The following DAB1 variants were observed in gnomAD, a reference collection of about 807,000 sequenced individuals.
DAB1 encodes DAB adaptor protein 1, also known as disabled homolog 1.
Under a neutral mutation model 64.6 loss-of-function variants are expected in DAB1, and 15 were observed. The ratio of observed to expected loss-of-function variants is 0.23; its 90% CI spans 0.16 to 0.36. The LOEUF is 0.36. Among genes scored for constraint, DAB1 ranks in the 10% least tolerant of loss-of-function variants. The probability of loss-of-function intolerance (pLI) is 1.00; values close to 1 mark genes in which losing one functional copy is unlikely to be tolerated. For synonymous variants in DAB1, 235 were observed against 251.9 expected, an observed-to-expected ratio of 0.93 and a Z score of 0.64; for missense variants, 596 against 706.7, an observed-to-expected ratio of 0.84 and a Z score of 1.78.
intron 1 of DAB1, among the ~76,000 whole-genome samples, chr1:57,863,684 T>C (rs1475412231): frequency 6.6e-6 from 1 of 152,160 alleles, no homozygotes; most frequent in Non-Finnish European, 1.5e-5. Flanking sequence ...AGAGGTGTTA[T>C]GGAAATGTAT....
chr1:57,417,648 T>C (rs574726), intron 1 of DAB1, among the ~76,000 whole-genome samples: 69,208 of 152,062 alleles, frequency 0.46, 17,582 homozygotes, highest in African/African-American at 0.68. Flanking sequence ...TAATTCAATA[T>C]CTTCCAAACA....
rs757862091 is a variant in DAB1, at chr1:58,046,903, C to T, written n.387+103608G>A. On this transcript the variant is annotated intron_variant and non_coding_transcript_variant, in intron 5 of 20. Transcript: ENST00000485760. ...GGGCCACTCACTGAGTGGAGAAGAA[C>T]TGATTTTGTTTGAAACTGAAGTTCA... 5.9e-5 allele frequency among the ~76,000 whole-genome samples: 9 copies of T among 152,314 alleles called. 1 individual carries two copies. In the South Asian group the frequency reaches 8.3e-4, roughly 14 times the overall value.
chr1:57,853,358 C>T (rs986839155), intron 1 of DAB1, among the ~76,000 whole-genome samples: 50 of 151,904 alleles, frequency 3.3e-4, no homozygotes, highest in Admixed American at 7.9e-4. Flanking sequence ...CTGAAGAGGT[C>T]CAAGAGGCTC....
intron 7 of DAB1, among the ~76,000 whole-genome samples, chr1:57,528,054 AG>A (rs1457842462): frequency 6.6e-6 from 1 of 152,048 alleles, no homozygotes; most frequent in Admixed American, 6.5e-5. Flanking sequence ...ATTGACTTAG[AG>A]ATGACAAAAA....
chr1:58,343,841 C>T (rs1275856288), intron 3 of DAB1, among the ~76,000 whole-genome samples: 1 of 152,184 alleles, frequency 6.6e-6, no homozygotes, highest in African/African-American at 2.4e-5. Context: ...GCTGTAAATA[C>T]ATGGGTTCTG....
chr1:57,691,421 A>G (rs1343932196), intron 6 of DAB1, among the ~76,000 whole-genome samples: 1 of 152,120 alleles, frequency 6.6e-6, no homozygotes, highest in Non-Finnish European at 1.5e-5. Context: ...GGTAGGGCCA[A>G]ATAAGGGAAT....
chr1:57,612,063 C>G (rs2101603183), intron 7 of DAB1, among the ~76,000 whole-genome samples: 2 of 152,212 alleles, frequency 1.3e-5, no homozygotes, highest in African/African-American at 4.8e-5. Context: ...ACAGACATCC[C>G]CAGGACTCAT....
chr1:57,096,290 A>G (rs972794093), intron 4 of DAB1, among the ~76,000 whole-genome samples: 2 of 152,164 alleles, frequency 1.3e-5, no homozygotes, highest in African/African-American at 4.8e-5. Flanking sequence ...CTTTGCTTAA[A>G]AGCTTACTGC....
At chr1:58,372,122 T>G (rs981206015) in intron 3 of DAB1, among the ~76,000 whole-genome samples, 2 of 152,100 alleles carry the variant, frequency 1.3e-5, no homozygotes, top group Admixed American at 1.3e-4. Context: ...CGCCAGGCAC[T>G]TGGAAAAACC....
rs200688727 is a variant in DAB1, at chr1:57,757,220, T to TTTTTTTG, written n.552-107556_552-107555insCAAAAAA. ...AGAATTTTTTTTTTTTTTTTTTTTT[T>TTTTTTTG]AGCAGCAATGATGGAGGCTAACAGC... is the stretch of plus-strand genomic sequence containing the variant. On this transcript the variant is annotated intron_variant and non_coding_transcript_variant, in intron 6 of 20. Transcript: ENST00000485760. 2.6e-4 allele frequency among the ~76,000 whole-genome samples: 31 copies of TTTTTTTG among 120,182 alleles called. 2 individuals carry two copies. The highest frequency in any genetic ancestry group is 3.5e-4 in the Non-Finnish European group (19 of 54,844). The allele number at this position is 120,182 out of a possible 152,430, so 78.8% of individuals were successfully genotyped here.
At chr1:57,265,119 C>G (rs974217715) in intron 2 of DAB1, among the ~76,000 whole-genome samples, 1 of 152,178 alleles carries the variant, frequency 6.6e-6, no homozygotes, top group Non-Finnish European at 1.5e-5. Flanking sequence ...GGATGCCCAG[C>G]TCTCCTGGTA....
Position 57,802,233 on chromosome 1 carries a change from G to A in DAB1, n.551+81766C>T, listed in dbSNP as rs1035288355. On this transcript the variant is annotated intron_variant and non_coding_transcript_variant, in intron 6 of 20. Coordinates refer to the DAB1 transcript ENST00000485760. Reference sequence around the variant, plus strand: ...AACAATGAGGACTGGTGGTAGGTGAGGCTGTTACTTACTTTGCTGTTGTCC... The same window carrying A: ...AACAATGAGGACTGGTGGTAGGTGAAGCTGTTACTTACTTTGCTGTTGTCC... Among the ~76,000 whole-genome samples, 6 of 152,214 alleles carry A rather than the reference G, an allele frequency of 3.9e-5. 1 individual carries two copies. The highest frequency in any genetic ancestry group is 1.4e-4 in the African/African-American group (6 of 41,444).
intron 1 of DAB1, among the ~76,000 whole-genome samples, chr1:57,877,035 A>ATG (rs1175247637): frequency 3.9e-5 from 6 of 152,084 alleles, no homozygotes; most frequent in Non-Finnish European, 8.8e-5. Context: ...GTGTGTATAT[A>ATG]TGTGTGTGTG....
At chr1:58,082,133 G>C (rs1650034213) in intron 5 of DAB1, among the ~76,000 whole-genome samples, 1 of 152,152 alleles carries the variant, frequency 6.6e-6, no homozygotes, top group African/African-American at 2.4e-5. Flanking sequence ...TGCAACCAGA[G>C]TCCAGGCCTC....
rs111932734 is a variant in DAB1 at position 57,516,324 on chromosome 1, G to T, written n.625+133268C>A. Among the ~76,000 whole-genome samples the T allele has an allele frequency of 4.2e-3, 639 of 152,150 alleles. 3 individuals are homozygous for T. Among genetic ancestry groups the T allele is most frequent in the African/African-American group, 0.014 (597 of 41,426 alleles). On this transcript the variant is annotated intron_variant and non_coding_transcript_variant, in intron 7 of 20. Transcript: ENST00000485760. Reference sequence around the variant, plus strand: ...ACATGTAAGAGTCTCGAAAGGAGATGAGACACAGGAAATGATAGCAAAGAA... The same window carrying T: ...ACATGTAAGAGTCTCGAAAGGAGATTAGACACAGGAAATGATAGCAAAGAA...
At chr1:57,496,016 A>G (rs1398095135) in intron 7 of DAB1, among the ~76,000 whole-genome samples, 1 of 152,228 alleles carries the variant, frequency 6.6e-6, no homozygotes. Context: ...GAATGACCAG[A>G]TATAAGAATG....
intron 4 of DAB1, among the ~76,000 whole-genome samples, chr1:58,340,066 T>C (rs1663213721): frequency 6.6e-6 from 1 of 152,180 alleles, no homozygotes. Flanking sequence ...AACTCTGCAG[T>C]AAAAGTTGTA....
At chr1:57,813,337 T>C (rs1308524234) in intron 6 of DAB1, among the ~76,000 whole-genome samples, 1 of 152,238 alleles carries the variant, frequency 6.6e-6, no homozygotes, top group Non-Finnish European at 1.5e-5. Context: ...CTGATGAGAA[T>C]ATGTGTCTTA....
At chr1:57,650,278 G>C (rs1646241078) in intron 6 of DAB1, among the ~76,000 whole-genome samples, 1 of 151,894 alleles carries the variant, frequency 6.6e-6, no homozygotes, top group Non-Finnish European at 1.5e-5. Flanking sequence ...TTGAGTAGCT[G>C]AGGCTACAGG....
Sources: allele counts gnomAD v4.1 joint callset (sites outside exome capture counted in the v4.1 genomes callset), GRCh38; gene constraint gnomAD v4.1.1; transcripts MANE v1.5; gene names NCBI Gene and HGNC (gene_info 2026-07-23, HGNC 2026-07-21).